The following ARID1B variants were observed in gnomAD, a reference collection of about 807,000 sequenced individuals.
The protein encoded by ARID1B is AT-rich interactive domain-containing protein 1B.
A neutral mutation model predicts 212.3 loss-of-function variants in ARID1B; 30 were observed. That is an observed-to-expected ratio of 0.14 (90% CI 0.11 to 0.19). The LOEUF (loss-of-function observed/expected upper bound fraction) is 0.19, where lower values mean the gene tolerates loss of function less well. ARID1B is among the 10% of genes least tolerant of loss of function. The probability of loss-of-function intolerance (pLI) is 1.00; values close to 1 mark genes in which losing one functional copy is unlikely to be tolerated. For synonymous variants in ARID1B, 1,402 were observed against 1,301.7 expected, an observed-to-expected ratio of 1.08 and a Z score of -1.66; for missense variants, 2,891 against 3,204.0, an observed-to-expected ratio of 0.90 and a Z score of 2.36.
chr6:156,901,518 C>A lies in ARID1B; in HGVS notation c.2129C>A (p.Pro710Gln). Reference sequence around the variant, plus strand: ...TCCCAGTCCCAGCAGAGGTACCAGCCGCAGCAGGTGAGCACAGTGCACTGC... The same window carrying A: ...TCCCAGTCCCAGCAGAGGTACCAGCAGCAGCAGGTGAGCACAGTGCACTGC... ...LPSQSQQRYQPQQDMSQEGYG... is the reference protein window; with the variant it reads ...LPSQSQQRYQQQQDMSQEGYG... Residue 710 changes from proline (P) to glutamine (Q), a missense_variant, in exon 3 of 20, where the codon CCG becomes CAG. Coordinates refer to ENST00000636930, the MANE Select transcript of ARID1B (RefSeq NM_001374828.1). The A allele has an allele frequency of 6.2e-7, 1 of 1,613,496 alleles. No individual in the cohort carries two copies. The highest frequency in any genetic ancestry group is 8.5e-7 in the Non-Finnish European group (1 of 1,179,920).
chr6:157,199,778 C>G (rs2128369350), intron 17 of ARID1B, among the ~76,000 whole-genome samples: 1 of 152,082 alleles, frequency 6.6e-6, no homozygotes, highest in African/African-American at 2.4e-5. Flanking sequence ...ATTCTCCTGC[C>G]TCAGCCTCCC....
At chr6:157,204,278 T>C (rs1794301323) in intron 19 of ARID1B, 1 of 242,408 alleles carries the variant, frequency 4.1e-6, no homozygotes, top group African/African-American at 2.2e-5. Flanking sequence ...AACATTAAAT[T>C]GTTCAGAATG....
chr6:156,942,354 T>C (rs1225388880), intron 4 of ARID1B: 1 of 152,058 alleles, frequency 6.6e-6, no homozygotes, highest in African/African-American at 2.4e-5. Context: ...CCATAACAAG[T>C]GAGGGATGGG....
At position 156,901,552 on chromosome 6, in the gene ARID1B, G is replaced by A. The variant is rs1359723263; in HGVS notation, c.2136+27G>A. 7 of 1,600,976 alleles carry A rather than the reference G, an allele frequency of 4.4e-6. No individual in the cohort carries two copies. The South Asian group carries it at 6.7e-5, about 15-fold the overall frequency. On this transcript the variant is annotated intron_variant, in intron 3 of 19. Transcript: ENST00000636930. ...TGAGCACAGTGCACTGCCCCGCAGG[G>A]CCCTGTTTTCTCCACCAAGGCAGAC...
chr6:157,099,879 A>G (rs1167940496), intron 5 of ARID1B, among the ~76,000 whole-genome samples: 2 of 152,208 alleles, frequency 1.3e-5, no homozygotes, highest in African/African-American at 4.8e-5. Context: ...AAGTTCGGGA[A>G]TTGGAAGTAT....
At chr6:156,839,593 C>T (rs1783751545) in intron 2 of ARID1B, among the ~76,000 whole-genome samples, 1 of 152,232 alleles carries the variant, frequency 6.6e-6, no homozygotes, top group African/African-American at 2.4e-5. Context: ...GCTGAGTTCT[C>T]ACCCATTCTT....
At chr6:157,056,416 A>G (rs1174412567) in intron 4 of ARID1B, among the ~76,000 whole-genome samples, 6 of 152,270 alleles carry the variant, frequency 3.9e-5, no homozygotes, top group Non-Finnish European at 7.3e-5. Flanking sequence ...TAACAGAGCT[A>G]TCCATCATAG....
At chr6:157,035,177 T>C (rs1781253417) in intron 4 of ARID1B, among the ~76,000 whole-genome samples, 1 of 152,242 alleles carries the variant, frequency 6.6e-6, no homozygotes, top group Non-Finnish European at 1.5e-5. Context: ...CTTGTTACAT[T>C]GACTTTTTAT....
chr6:156,948,429 G>A (rs112069229), intron 4 of ARID1B, among the ~76,000 whole-genome samples: 24 of 152,192 alleles, frequency 1.6e-4, no homozygotes, highest in African/African-American at 5.5e-4. Flanking sequence ...TGGGGGTGGA[G>A]GGTGTCTCAC....
intron 3 of ARID1B, among the ~76,000 whole-genome samples, chr6:156,915,742 A>G (rs1790298147): frequency 6.6e-6 from 1 of 152,068 alleles, no homozygotes; most frequent in Non-Finnish European, 1.5e-5. Context: ...CTAAAAATAC[A>G]AAAATTAGCT....
At chr6:156,804,797 T>C (rs1022112963) in intron 1 of ARID1B, among the ~76,000 whole-genome samples, 4 of 145,978 alleles carry the variant, frequency 2.7e-5, no homozygotes, top group Non-Finnish European at 6.0e-5. Context: ...ATGAAAAGAT[T>C]ACATTTTATT....
intron 4 of ARID1B, among the ~76,000 whole-genome samples, chr6:156,947,558 G>A (rs1312023641): frequency 6.6e-6 from 1 of 151,466 alleles, no homozygotes; most frequent in Non-Finnish European, 1.5e-5. Flanking sequence ...TGAGCACCAG[G>A]AGTTTCTTGT....
chr6:156,946,107 A>C (rs1395412347), intron 4 of ARID1B, among the ~76,000 whole-genome samples: 3 of 151,516 alleles, frequency 2.0e-5, no homozygotes, highest in Non-Finnish European at 4.4e-5. Context: ...CTTTAATCCC[A>C]GCACTTCAGG....
chr6:157,039,666 C>CTTCT (rs1781627460), intron 4 of ARID1B, among the ~76,000 whole-genome samples: 3 of 49,410 alleles, frequency 6.1e-5, no homozygotes, highest in East Asian at 1.2e-3. Flanking sequence ...TCCTTCCTTC[C>CTTCT]TTCCTTCCTT....
rs1309433890 is a variant in ARID1B at position 157,086,730 on chromosome 6, C to T, written c.2491+1825C>T. ...TAAAACCCAACAGAAAAGCTCACTT[C>T]GGGCATGTGATCCTGGGTATCAGGT... is the stretch of plus-strand genomic sequence containing the variant. On this transcript the variant is annotated intron_variant, in intron 5 of 19. Coordinates refer to ENST00000636930, the MANE Select transcript of ARID1B (RefSeq NM_001374828.1). Among the ~76,000 whole-genome samples the T allele has an allele frequency of 9.2e-5, 14 of 152,306 alleles. No homozygotes were observed. The South Asian group carries it at 2.1e-3, about 23-fold the overall frequency.
intron 4 of ARID1B, among the ~76,000 whole-genome samples, chr6:157,039,622 CTTCCTTCCTTCCTTCCTTCCTTCT>C (rs1335307682): frequency 1.4e-3 from 162 of 116,436 alleles, no homozygotes; most frequent in African/African-American, 4.6e-3. Context: ...ACCTACCTTC[CTTCCTTCCTTCCTTCCTTCCTTCT>C]TTCCTTCCTT....
intron 4 of ARID1B, among the ~76,000 whole-genome samples, chr6:156,992,044 G>C (rs1274031562): frequency 2.0e-5 from 3 of 152,146 alleles, no homozygotes; most frequent in Non-Finnish European, 1.5e-5. Flanking sequence ...CTTAGACATA[G>C]GCATTATTTT....
intron 4 of ARID1B, among the ~76,000 whole-genome samples, chr6:157,032,309 C>G (rs1442582155): frequency 6.6e-6 from 1 of 152,170 alleles, no homozygotes; most frequent in African/African-American, 2.4e-5. Context: ...TATTAATGCT[C>G]TATCATGTGA....
At chr6:156,876,635 C>T (rs1786578205) in intron 2 of ARID1B, among the ~76,000 whole-genome samples, 1 of 152,236 alleles carries the variant, frequency 6.6e-6, no homozygotes, top group Non-Finnish European at 1.5e-5. Context: ...TCACTACCCT[C>T]CTCCACTTGA....
Sources: allele counts gnomAD v4.1 joint callset (sites outside exome capture counted in the v4.1 genomes callset), GRCh38; gene constraint gnomAD v4.1.1; transcripts MANE v1.5; gene names NCBI Gene and HGNC (gene_info 2026-07-23, HGNC 2026-07-21).